Variants in KSR2 observed in about 807,000 individuals in gnomAD.
KSR2 encodes kinase suppressor of ras 2.
A neutral mutation model predicts 107.8 loss-of-function variants in KSR2; 25 were observed. The ratio of observed to expected loss-of-function variants is 0.23; its 90% CI spans 0.17 to 0.32. The LOEUF (loss-of-function observed/expected upper bound fraction) is 0.32, where lower values mean the gene tolerates loss of function less well. KSR2 is among the 10% of genes least tolerant of loss of function. The pLI is 1.00. For missense variants in KSR2, 887 were observed against 1,268.9 expected (o/e 0.70, Z 4.57); for synonymous variants, 480 against 507.0 (o/e 0.95, Z 0.71).
At chr12:117,601,957 C>T (rs1368710099) in intron 5 of KSR2, among the ~76,000 whole-genome samples, 2 of 152,046 alleles carry the variant, frequency 1.3e-5, no homozygotes, top group Non-Finnish European at 2.9e-5. Context: ...TTAGACTTTG[C>T]GGCCTATACA....
At chr12:117,879,965 G>A (rs146308545) in intron 1 of KSR2, among the ~76,000 whole-genome samples, 142 of 152,192 alleles carry the variant, frequency 9.3e-4, no homozygotes, top group African/African-American at 3.0e-3. Context: ...TGACCAACAT[G>A]GCAAAACCCT....
chr12:117,822,171 C>G (rs973291736), intron 3 of KSR2, among the ~76,000 whole-genome samples: 2 of 152,188 alleles, frequency 1.3e-5, no homozygotes, highest in Non-Finnish European at 2.9e-5. Context: ...ATAATCCACC[C>G]CTTGTTTAGC....
At chr12:117,898,220 C>T (rs1486070624) in intron 1 of KSR2, among the ~76,000 whole-genome samples, 1 of 152,152 alleles carries the variant, frequency 6.6e-6, no homozygotes, top group Non-Finnish European at 1.5e-5. Context: ...GAGTTAAATG[C>T]AATCACATTT....
intron 4 of KSR2, among the ~76,000 whole-genome samples, chr12:117,706,185 A>T (rs1593151822): frequency 6.6e-6 from 1 of 151,726 alleles, no homozygotes; most frequent in Non-Finnish European, 1.5e-5. Flanking sequence ...CTGGGATTAC[A>T]GGTGCATGCC....
At chr12:117,765,887 C>T (rs1233468811) in intron 3 of KSR2, among the ~76,000 whole-genome samples, 1 of 152,212 alleles carries the variant, frequency 6.6e-6, no homozygotes, top group Non-Finnish European at 1.5e-5. Context: ...TCAATGCCAA[C>T]AAATGGCAGA....
At chr12:117,557,854 G>A (rs1482582225) in intron 8 of KSR2, among the ~76,000 whole-genome samples, 1 of 152,162 alleles carries the variant, frequency 6.6e-6, no homozygotes, top group Non-Finnish European at 1.5e-5. Flanking sequence ...TATTTTGAAA[G>A]CTGCACTACA....
chr12:117,870,937 A>C (rs1406588802), intron 1 of KSR2, among the ~76,000 whole-genome samples: 1 of 152,218 alleles, frequency 6.6e-6, no homozygotes, highest in Non-Finnish European at 1.5e-5. Flanking sequence ...AGAAAACTGC[A>C]CAGAGTGTGA....
chr12:117,674,431 T>C (rs866291443), intron 4 of KSR2: 2 of 455,582 alleles, frequency 4.4e-6, no homozygotes, highest in South Asian at 1.6e-5. Context: ...TTCATTCATA[T>C]TGGAAGATCA....
intron 14 of KSR2, among the ~76,000 whole-genome samples, chr12:117,503,510 C>G (rs1873504988): frequency 2.0e-5 from 3 of 152,148 alleles, no homozygotes; most frequent in Admixed American, 6.5e-5. Flanking sequence ...CAAGGAGGCT[C>G]CAGGATGATA....
At chr12:117,732,039 AT>A (rs1212966610) in intron 4 of KSR2, among the ~76,000 whole-genome samples, 2 of 113,126 alleles carry the variant, frequency 1.8e-5, no homozygotes, top group Admixed American at 2.1e-4. Context: ...AACAAATACT[AT>A]TAAAAAAAAA....
rs1215021645 is a variant in KSR2, at chr12:117,905,972, C to A, written c.181-45541G>T. Among the ~76,000 whole-genome samples the A allele has an allele frequency of 2.6e-5, 4 of 151,838 alleles. No homozygotes were observed. The East Asian group carries it at 5.8e-4, about 22-fold the overall frequency. On this transcript the variant is annotated intron_variant, in intron 1 of 19. Coordinates refer to ENST00000339824, the MANE Select transcript of KSR2 (RefSeq NM_173598.6). Reference sequence around the variant, plus strand: ...ACTAGTTAATATTCATTCATTCATTCATTCCACAAATATTTGTTGGGTGCC... The same window carrying A: ...ACTAGTTAATATTCATTCATTCATTAATTCCACAAATATTTGTTGGGTGCC...
intron 5 of KSR2, among the ~76,000 whole-genome samples, chr12:117,598,477 C>T (rs1880762695): frequency 6.6e-6 from 1 of 152,092 alleles, no homozygotes; most frequent in African/African-American, 2.4e-5. Context: ...CATATAATGA[C>T]TTCTCTAGTG....
At position 117,469,702 on chromosome 12, in the gene KSR2, G is replaced by A. The variant is rs751213911; in HGVS notation, c.2806C>T (p.Arg936Cys). 5.0e-6 allele frequency: 8 copies of A among 1,613,304 alleles called. No homozygotes were observed. In the African/African-American group the frequency reaches 5.3e-5, roughly 11 times the overall value. ...AAATGTCCAGGGTGAGACAGGCGAC[G>A]GTTTCGCTTTGGCAGTTTCTCCAGC... The part of the protein sequence containing the change: ...DMLEKLPKRN[R>C]RLSHPGHFWK... The change falls in exon 19 of 20, where the codon CGT becomes TGT. Residue 936 changes from arginine (R) to cysteine (C), a missense_variant. This residue lies in a region of KSR2 where 308 missense variants were observed against 506.2 expected (regional missense o/e 0.61). Coordinates refer to ENST00000339824, the MANE Select transcript of KSR2 (RefSeq NM_173598.6).
At chr12:117,953,497 A>T (rs1177761411) in intron 1 of KSR2, among the ~76,000 whole-genome samples, 2 of 152,260 alleles carry the variant, frequency 1.3e-5, no homozygotes, top group Non-Finnish European at 2.9e-5. Flanking sequence ...ATTTAGCCAT[A>T]AACACGAATG....
chr12:117,731,878 C>A (rs982781591), intron 4 of KSR2, among the ~76,000 whole-genome samples: 8 of 142,672 alleles, frequency 5.6e-5, no homozygotes, highest in South Asian at 4.7e-4. Flanking sequence ...ATCTCAAGTA[C>A]CCAGGGACAC....
At chr12:117,930,523 C>T (rs1316603027) in intron 1 of KSR2, among the ~76,000 whole-genome samples, 1 of 152,114 alleles carries the variant, frequency 6.6e-6, no homozygotes, top group African/African-American at 2.4e-5. Context: ...TGCTACCTGC[C>T]CATGGGCCAC....
intron 1 of KSR2, among the ~76,000 whole-genome samples, chr12:117,903,864 T>C (rs1000442050): frequency 2.0e-5 from 3 of 152,090 alleles, no homozygotes; most frequent in African/African-American, 7.2e-5. Flanking sequence ...TTGGGCGTGA[T>C]GGAGCATGCC....
chr12:117,561,790 C>T (rs962921637), intron 7 of KSR2, among the ~76,000 whole-genome samples: 4 of 152,178 alleles, frequency 2.6e-5, no homozygotes, highest in African/African-American at 9.7e-5. Flanking sequence ...TTTTCTAAGA[C>T]CCTCAGACTC....
intron 4 of KSR2, among the ~76,000 whole-genome samples, chr12:117,681,141 G>A (rs888312614): frequency 5.3e-5 from 8 of 152,090 alleles, no homozygotes; most frequent in Non-Finnish European, 8.8e-5. Flanking sequence ...ATGGTAGTGC[G>A]CACCTGTAGT....
Sources: gnomAD v4.1 joint callset for allele counts (sites outside exome capture counted in the v4.1 genomes callset) on GRCh38, gnomAD v4.1.1 for gene constraint, gnomAD v4.1.1 regional missense constraint, MANE v1.5 for transcripts, NCBI Gene and HGNC (gene_info 2026-07-23, HGNC 2026-07-21) for gene names.